The following MVB12A variants were observed in gnomAD, a reference collection of about 807,000 sequenced individuals.
MVB12A encodes CIN85/CD2AP family binding protein.
A neutral mutation model predicts 34.3 loss-of-function variants in MVB12A; 30 were observed. That is an observed-to-expected ratio of 0.88 (90% CI 0.65 to 1.19). The LOEUF is 1.19. Among genes scored for constraint, MVB12A ranks in the 50% most tolerant of loss-of-function variants. The pLI is 0.00. For synonymous variants in MVB12A, 158 were observed against 158.9 expected, an observed-to-expected ratio of 0.99 and a Z score of 0.04; for missense variants, 355 against 369.2, an observed-to-expected ratio of 0.96 and a Z score of 0.31.
rs982083357 is a variant in MVB12A, at chr19:17,420,166, C to T, written c.31C>T (p.Pro11Ser). The change falls in exon 1 of 9, where the codon CCG (proline) becomes TCG (serine). Residue 11 changes from proline to serine, a missense_variant. Pro to Ser is a moderately conservative substitution (Grantham distance 74). Coordinates refer to ENST00000317040, the MANE Select transcript of MVB12A (RefSeq NM_138401.4). Reference protein sequence around the residue: MDPVPGTDSAPLAGLAWSSAS... With the variant: MDPVPGTDSASLAGLAWSSAS... ...TCCCGTACCCGGGACAGACTCGGCG[C>T]CGCTGGCTGGCCTGGCCTGGTCGTC... 7.2e-7 allele frequency: 1 copy of T among 1,396,156 alleles called. No individual in the cohort carries two copies. Among genetic ancestry groups the T allele is most frequent in the South Asian group, 1.7e-5 (1 of 59,612 alleles). The allele number at this position is 1,396,156 out of a possible 1,614,324, so 86.5% of individuals were successfully genotyped here.
chr19:17,420,016 C>CGGGGGGGG, upstream of MVB12A: 5 of 290,382 alleles, frequency 1.7e-5, no homozygotes, highest in Non-Finnish European at 2.3e-5. Context: ...GCAATCTCCG[C>CGGGGGGGG]CCCCCCCCCC....
intron 2 of MVB12A, among the ~76,000 whole-genome samples, chr19:17,410,523 TATATATAC>T (rs1314175677): frequency 0.011 from 769 of 71,574 alleles, 33 homozygotes; most frequent in African/African-American, 0.048. Context: ...TATATATATA[TATATATAC>T]ACACACACAT....
chr19:17,417,979 T>C (rs1005026938), upstream of MVB12A: 3 of 188,754 alleles, frequency 1.6e-5, no homozygotes, highest in Non-Finnish European at 3.4e-5. Flanking sequence ...TCACTGCAAC[T>C]TTCTCCTCCC....
intron 2 of MVB12A, among the ~76,000 whole-genome samples, chr19:17,410,655 A>T (rs11672529): frequency 9.1e-5 from 13 of 143,480 alleles, no homozygotes; most frequent in African/African-American, 2.6e-4. Flanking sequence ...TTCAGTTGGG[A>T]GCAGTGGTTC....
At chr19:17,423,146 A>G (rs868086504) in intron 4 of MVB12A, among the ~76,000 whole-genome samples, 2 of 146,300 alleles carry the variant, frequency 1.4e-5, no homozygotes, top group African/African-American at 5.0e-5. Flanking sequence ...TGAGGTCAGG[A>G]GTTCGAGACC....
At chr19:17,422,607 A>T (rs1568391624) in intron 4 of MVB12A, 149 bp downstream of exon 4, 3 of 698,880 alleles carry the variant, frequency 4.3e-6, no homozygotes, top group Non-Finnish European at 6.6e-6. Flanking sequence ...CGGGACATAT[A>T]TATCATCTTG....
In MVB12A at chr19:17,422,437, T is replaced by G; in HGVS notation, c.392T>G (p.Val131Gly). The change falls in exon 4 of 9, where the codon GTG becomes GGG. Residue 131 changes from valine to glycine, a missense_variant. Transcript: ENST00000317040. ...CGGCTGAGTGGGAAGACCAAGACAG[T>G]GCCTGGATACCTTCGAATAGGGTAG... ...DVRLSGKTKT[V>G]PGYLRIGDMG... 1 of 1,612,804 alleles carries G rather than the reference T, an allele frequency of 6.2e-7. No homozygotes were observed. Among genetic ancestry groups the G allele is most frequent in the South Asian group, 1.1e-5 (1 of 90,920 alleles).
chr19:17,417,522 C>G (rs1392212221), upstream of MVB12A: 4 of 151,998 alleles, frequency 2.6e-5, no homozygotes, highest in Non-Finnish European at 5.9e-5. Context: ...AGGAGAATAG[C>G]TTGAACCTGG....
At chr19:17,418,916 C>G (rs984609824), upstream of MVB12A, 12 of 141,184 alleles carry the variant, frequency 8.5e-5, no homozygotes, top group African/African-American at 3.2e-4. Flanking sequence ...GGCACAGCTG[C>G]TTAAAGATTG....
At position 17,420,074 on chromosome 19, in the gene MVB12A, GGA is replaced by G; in HGVS notation, c.-60_-59del. On this transcript the variant is annotated 5_prime_UTR_variant, in exon 1 of 9. Coordinates refer to ENST00000317040, the MANE Select transcript of MVB12A (RefSeq NM_138401.4). ...AGTTCGGTCGCGAGCGCTGCCGTCG[GGA>G]GGCGCTCCGAGGTTCGAGGCTGTGC... 8.5e-7 allele frequency: 1 copy of G among 1,173,884 alleles called. No homozygotes were observed. Among genetic ancestry groups the G allele is most frequent in the Non-Finnish European group, 1.1e-6 (1 of 923,126 alleles). The allele number at this position is 1,173,884 out of a possible 1,614,324, so 72.7% of individuals were successfully genotyped here.
chr19:17,408,295 C>T (rs2074741717), intron 2 of MVB12A, among the ~76,000 whole-genome samples: 1 of 151,748 alleles, frequency 6.6e-6, no homozygotes, highest in Non-Finnish European at 1.5e-5. Flanking sequence ...AATCCTAGTA[C>T]TTTGGGAGGC....
At chr19:17,411,259 C>A (rs1268537854) in intron 2 of MVB12A, among the ~76,000 whole-genome samples, 1 of 152,102 alleles carries the variant, frequency 6.6e-6, no homozygotes, top group African/African-American at 2.4e-5. Flanking sequence ...AGCCACCGTG[C>A]CCGGCCAACA....
chr19:17,420,046 T>G, upstream of MVB12A: 11 of 381,130 alleles, frequency 2.9e-5, no homozygotes, highest in Non-Finnish European at 3.4e-5. Context: ...TTCTGGGAGT[T>G]GTAGTTCGGT....
intron 2 of MVB12A, among the ~76,000 whole-genome samples, chr19:17,408,455 A>AT (rs532827119): frequency 2.0e-5 from 3 of 149,702 alleles, no homozygotes; most frequent in Non-Finnish European, 3.0e-5. Flanking sequence ...TAATTAATTA[A>AT]TTTTTTTTGA....
In MVB12A at chr19:17,408,157, A is replaced by G. The variant is rs556727873; in HGVS notation, c.-5+1861A>G. Among the ~76,000 whole-genome samples, 4 of 152,308 alleles carry G rather than the reference A, an allele frequency of 2.6e-5. No homozygotes were observed. In the South Asian group the frequency reaches 6.2e-4, roughly 24 times the overall value. ...TATATCTCTAAGATCTATATTTGGTATAACTATTCTTGTTTTATATTTTAT... is the reference window on the plus strand; with the variant it reads ...TATATCTCTAAGATCTATATTTGGTGTAACTATTCTTGTTTTATATTTTAT... On this transcript the variant is annotated intron_variant, in intron 2 of 6. Transcript: ENST00000528604.
chr19:17,423,191 T>TAAAAAA (rs895549170), intron 4 of MVB12A, among the ~76,000 whole-genome samples: 1 of 106,674 alleles, frequency 9.4e-6, no homozygotes, highest in African/African-American at 3.6e-5. Context: ...CGTTTCTACT[T>TAAAAAA]AAAAAAAAAA....
chr19:17,415,931 G>A (rs1465265765), upstream of MVB12A, among the ~76,000 whole-genome samples: 1 of 152,196 alleles, frequency 6.6e-6, no homozygotes, highest in African/African-American at 2.4e-5. Context: ...AATCACCATT[G>A]CAAAAGTTAT....
chr19:17,417,043 C>T (rs2074804656), upstream of MVB12A: 2 of 399,546 alleles, frequency 5.0e-6, no homozygotes, highest in South Asian at 3.8e-5. Flanking sequence ...CTTCATCTTC[C>T]TCTTCCACTT....
chr19:17,409,441 C>CTTT (rs781196057), intron 2 of MVB12A, among the ~76,000 whole-genome samples: 29 of 78,212 alleles, frequency 3.7e-4, no homozygotes, highest in Non-Finnish European at 5.2e-4. Flanking sequence ...TCTGCCATTA[C>CTTT]TTTTTTTTTT....
Sources: allele counts gnomAD v4.1 joint callset (sites outside exome capture counted in the v4.1 genomes callset), GRCh38; gene constraint gnomAD v4.1.1; transcripts MANE v1.5; gene names NCBI Gene and HGNC (gene_info 2026-07-23, HGNC 2026-07-21).